ADGRG2: variants seen among roughly 807,000 people sequenced by gnomAD.
ADGRG2 encodes adhesion G protein-coupled receptor G2, also known as G protein-coupled receptor 64.
In ADGRG2, 26 loss-of-function variants were observed where a neutral mutation model predicts 74.1. The observed-to-expected ratio is 0.35, with a 90% CI of 0.26 to 0.49. ADGRG2 has a LOEUF of 0.49. ADGRG2 is among the 20% of genes least tolerant of loss of function. The pLI, the probability that ADGRG2 is intolerant of heterozygous loss-of-function variation, is 0.99. For synonymous variants in ADGRG2, 296 were observed against 295.2 expected (o/e 1.00, Z -0.03); for missense variants, 619 against 763.1 (o/e 0.81, Z 2.22).
At chrX:19,115,259 G>T (rs956989966) in intron 1 of ADGRG2, among the ~76,000 whole-genome samples, 2 of 111,346 alleles carry the variant, frequency 1.8e-5, no homozygotes, top group Admixed American at 9.6e-5. Flanking sequence ...CGTGGATAAA[G>T]CACCTACTAC....
rs746681939 is a variant in ADGRG2 at position 19,008,063 on chromosome X, G to A, written c.1483C>T (p.Leu495=). 5.9e-6 allele frequency: 7 copies of A among 1,192,167 alleles called. No individual in the cohort carries two copies. The Admixed American group carries it at 6.5e-5, about 11-fold the overall frequency. Residue 495 remains leucine (L), a synonymous_variant, in exon 19 of 29, where the codon CTG becomes TTG. Coordinates refer to ENST00000379869, the MANE Select transcript of ADGRG2 (RefSeq NM_001079858.3). ...TCATGAGCTGGTAAATTATTCATCA[G>A]CGATGAAGGAAGAGTAATTGTGCCA... The part of the protein sequence containing the change: ...SIGTITLPSS[L]MNNLPAHDME...
intron 16 of ADGRG2, among the ~76,000 whole-genome samples, chrX:19,012,262 T>C (rs1460664454): frequency 5.4e-5 from 6 of 111,724 alleles, no homozygotes; most frequent in Admixed American, 9.6e-5. Flanking sequence ...TTTATGAATA[T>C]GTCACTTTGC....
chrX:19,019,136 T>C (rs969976048), intron 15 of ADGRG2, among the ~76,000 whole-genome samples: 16 of 112,324 alleles, frequency 1.4e-4, no homozygotes, highest in East Asian at 8.3e-4. Flanking sequence ...TAAGCCACCG[T>C]GCCCGGCTAA....
Position 19,013,618 on chromosome X carries a change from A to G in ADGRG2, c.1099+68T>C, listed in dbSNP as rs192013737. On this transcript the variant is annotated intron_variant, in intron 16 of 28. Transcript: ENST00000379869. ...AAATCAAGCGAACATCATACAAAGA[A>G]AGGCTCAACATGGTCTTATCATAGA... The G allele has an allele frequency of 2.4e-5, 22 of 930,519 alleles. No individual in the cohort carries two copies. The East Asian group carries it at 7.1e-4, about 30-fold the overall frequency. 76.7% of individuals were successfully genotyped at this position (930,519 alleles called of 1,213,427 possible).
chrX:19,081,903 G>A (rs1422433053), intron 2 of ADGRG2, among the ~76,000 whole-genome samples: 1 of 107,912 alleles, frequency 9.3e-6, no homozygotes, highest in Non-Finnish European at 1.9e-5. Context: ...GGGAGATCCC[G>A]TCTCTACAAA....
chrX:19,019,836 G>A (rs1006402466), intron 14 of ADGRG2, among the ~76,000 whole-genome samples, 171 bp from the exon 15 acceptor site: 1 of 111,927 alleles, frequency 8.9e-6, no homozygotes, highest in Admixed American at 9.5e-5. Context: ...ATTATATACT[G>A]TATACATAGT....
At chrX:19,013,548 C>A in intron 16 of ADGRG2, 138 bp downstream of exon 16, 1 of 486,449 alleles carries the variant, frequency 2.1e-6, no homozygotes, top group Non-Finnish European at 3.4e-6. Flanking sequence ...CTTATGCAAC[C>A]ATGTAAGTCA....
chrX:19,033,250 C>T (rs914853571), intron 8 of ADGRG2: 23 of 132,530 alleles, frequency 1.7e-4, no homozygotes, highest in Non-Finnish European at 3.1e-4. Context: ...GAGGTTCATT[C>T]CTCTAACTTC....
At chrX:19,122,810 G>T (rs2062633342), upstream of ADGRG2, among the ~76,000 whole-genome samples, 1 of 111,593 alleles carries the variant, frequency 9.0e-6, no homozygotes, top group South Asian at 3.6e-4. Context: ...TGGGCTCCAG[G>T]CACTGCGGGA....
intron 24 of ADGRG2, 125 bp from the exon 25 acceptor site, chrX:19,000,085 C>A (rs901166728): frequency 4.8e-5 from 20 of 416,257 alleles, no homozygotes; most frequent in African/African-American, 3.9e-4. Flanking sequence ...CCTCCGCCTC[C>A]TGGGTTCAAG....
intron 17 of ADGRG2, among the ~76,000 whole-genome samples, 159 bp from the exon 18 acceptor site, chrX:19,009,941 G>A (rs2060318684): frequency 9.0e-6 from 1 of 111,088 alleles, no homozygotes; most frequent in South Asian, 3.7e-4. Context: ...CTCTCAAGTA[G>A]CTGGGACTAC....
Position 19,003,132 on chromosome X carries a change from G to A in ADGRG2, c.1962-18C>T. 1 of 1,164,892 alleles carries A rather than the reference G, an allele frequency of 8.6e-7. No individual in the cohort carries two copies. Among genetic ancestry groups the A allele is most frequent in the Non-Finnish European group, 1.2e-6 (1 of 857,309 alleles). Reference sequence around the variant, plus strand: ...GGATCTTTCTAAAAGGAAAGGATGAGAACAAGAATGAGCATTCTACTCTGC... The same window carrying A: ...GGATCTTTCTAAAAGGAAAGGATGAAAACAAGAATGAGCATTCTACTCTGC... On this transcript the variant is annotated intron_variant, in intron 23 of 28. Transcript: ENST00000379869.
intron 3 of ADGRG2, among the ~76,000 whole-genome samples, chrX:19,047,572 AG>A (rs1332209948): frequency 1.8e-5 from 2 of 112,249 alleles, no homozygotes; most frequent in Non-Finnish European, 3.8e-5. Context: ...ATCTTTTGGG[AG>A]TGGATCTAAA....
intron 3 of ADGRG2, among the ~76,000 whole-genome samples, chrX:19,040,463 TAA>T (rs1041970406): frequency 8.9e-5 from 10 of 112,211 alleles, no homozygotes; most frequent in African/African-American, 2.6e-4. Context: ...AAAAATAAGA[TAA>T]AATTAGTTTA....
At chrX:19,047,462 A>G (rs867022359) in intron 3 of ADGRG2, among the ~76,000 whole-genome samples, 1 of 112,072 alleles carries the variant, frequency 8.9e-6, no homozygotes, top group Non-Finnish European at 1.9e-5. Flanking sequence ...TAAGACTTCA[A>G]ATGTGAGATG....
rs1601887808 is a variant in ADGRG2 at position 19,013,675 on chromosome X, G to A, written c.1099+11C>T. Reference sequence around the variant, plus strand: ...GATTGGCAGATTGGCCGCTGTTCAAGTGACATTTACCTGTCTGGACAGGAG... The same window carrying A: ...GATTGGCAGATTGGCCGCTGTTCAAATGACATTTACCTGTCTGGACAGGAG... On this transcript the variant is annotated intron_variant, in intron 16 of 28. Coordinates refer to ENST00000379869, the MANE Select transcript of ADGRG2 (RefSeq NM_001079858.3). 1.7e-6 allele frequency: 2 copies of A among 1,163,538 alleles called. No individual in the cohort carries two copies. Among genetic ancestry groups the A allele is most frequent in the Non-Finnish European group, 2.3e-6 (2 of 872,556 alleles).
chrX:19,107,376 C>G (rs1423839131), intron 1 of ADGRG2, among the ~76,000 whole-genome samples: 1 of 112,795 alleles, frequency 8.9e-6, no homozygotes, highest in African/African-American at 3.2e-5. Flanking sequence ...AATATTTGCT[C>G]TATCCAGTTG....
rs1406659521 is a variant in ADGRG2 at position 19,023,435 on chromosome X, C to A, written c.529G>T (p.Ala177Ser). 1 of 1,110,386 alleles carries A rather than the reference C, an allele frequency of 9.0e-7. No individual in the cohort carries two copies. The highest frequency in any genetic ancestry group is 1.2e-6 in the Non-Finnish European group (1 of 814,950). 91.5% of individuals were successfully genotyped at this position (1,110,386 alleles called of 1,213,427 possible). Residue 177 changes from alanine (A) to serine (S), a missense_variant, in exon 13 of 29, where the codon GCT (alanine) becomes TCT (serine). Ala to Ser is a moderately conservative substitution (Grantham distance 99, BLOSUM62 1). Transcript: ENST00000379869. Reference sequence around the variant, plus strand: ...ACTGACCTTTGGGCCTCTGCTGTAGCACACATTATAAAGTAAGTCTGAAAC... The same window carrying A: ...ACTGACCTTTGGGCCTCTGCTGTAGAACACATTATAAAGTAAGTCTGAAAC... ...TLSETYFIMCATAEAQSTLNC... is the reference protein window; with the variant it reads ...TLSETYFIMCSTAEAQSTLNC...
chrX:19,072,813 T>C (rs948675005), intron 2 of ADGRG2, among the ~76,000 whole-genome samples: 1 of 112,670 alleles, frequency 8.9e-6, no homozygotes, highest in South Asian at 3.7e-4. Context: ...GTATTTGAAA[T>C]AATGTAGCTC....
Sources: allele counts gnomAD v4.1 joint callset (sites outside exome capture counted in the v4.1 genomes callset), GRCh38; gene constraint gnomAD v4.1.1; transcripts MANE v1.5; gene names NCBI Gene and HGNC (gene_info 2026-07-23, HGNC 2026-07-21).